PARD3B: variants seen among roughly 807,000 people sequenced by gnomAD.
PARD3B encodes par-3 family cell polarity regulator beta.
Under a neutral mutation model 130.2 loss-of-function variants are expected in PARD3B, and 103 were observed. The observed-to-expected ratio is 0.79, with a 90% CI of 0.67 to 0.93. The LOEUF is 0.93. Ranked by LOEUF, PARD3B falls within the 40% of genes least tolerant of loss-of-function variation. The pLI is 0.00. For missense variants in PARD3B, 1,609 were observed against 1,499.2 expected (o/e 1.07, Z -1.21); for synonymous variants, 583 against 553.2 (o/e 1.05, Z -0.76).
intron 11 of PARD3B, among the ~76,000 whole-genome samples, chr2:205,163,682 G>A (rs570927868): frequency 2.0e-5 from 3 of 152,150 alleles, no homozygotes; most frequent in Non-Finnish European, 4.4e-5. Flanking sequence ...TCATTGTCAT[G>A]TGAGACATTT....
intron 3 of PARD3B, among the ~76,000 whole-genome samples, chr2:204,997,989 C>T (rs1360723294): frequency 1.3e-5 from 2 of 149,180 alleles, no homozygotes; most frequent in African/African-American, 2.4e-5. Context: ...CATATATACA[C>T]ATATAATCAA....
chr2:204,586,201 A>G (rs1437160136), intron 1 of PARD3B, among the ~76,000 whole-genome samples: 1 of 152,222 alleles, frequency 6.6e-6, no homozygotes, highest in Non-Finnish European at 1.5e-5. Context: ...CATTCTGATT[A>G]ATTCCATCAT....
intron 10 of PARD3B, among the ~76,000 whole-genome samples, chr2:205,149,547 A>C (rs990059533): frequency 6.6e-6 from 1 of 152,222 alleles, no homozygotes; most frequent in African/African-American, 2.4e-5. Context: ...CCAGCAGTTC[A>C]TTCTGACCAA....
At chr2:204,840,284 T>C (rs1455555623) in intron 2 of PARD3B, among the ~76,000 whole-genome samples, 2 of 152,252 alleles carry the variant, frequency 1.3e-5, no homozygotes, top group Admixed American at 1.3e-4. Flanking sequence ...AGAGAAATAA[T>C]TGAATGACCC....
At chr2:205,505,342 T>C (rs907313668) in intron 21 of PARD3B, among the ~76,000 whole-genome samples, 1 of 152,126 alleles carries the variant, frequency 6.6e-6, no homozygotes, top group Non-Finnish European at 1.5e-5. Flanking sequence ...TATACATATG[T>C]AACAAACCTG....
intron 2 of PARD3B, among the ~76,000 whole-genome samples, chr2:204,832,046 C>T (rs2043843892): frequency 6.6e-6 from 1 of 152,076 alleles, no homozygotes; most frequent in African/African-American, 2.4e-5. Flanking sequence ...CACGGTGAAA[C>T]CCCATTTCTA....
chr2:205,079,403 T>C (rs1056577143), intron 4 of PARD3B, among the ~76,000 whole-genome samples: 3 of 152,180 alleles, frequency 2.0e-5, no homozygotes, highest in African/African-American at 4.8e-5. Flanking sequence ...AGATTTGGTG[T>C]CTGGTAAGGG....
chr2:204,755,580 A>G (rs142942461), intron 2 of PARD3B, among the ~76,000 whole-genome samples: 4 of 152,294 alleles, frequency 2.6e-5, no homozygotes, highest in African/African-American at 9.6e-5. Flanking sequence ...ATGTGTAAGT[A>G]CAGTCACTAT....
chr2:205,523,209 ATG>A (rs36030743), intron 21 of PARD3B, among the ~76,000 whole-genome samples: 7 of 141,422 alleles, frequency 4.9e-5, no homozygotes, highest in South Asian at 2.3e-4. Flanking sequence ...CGTGTACTAT[ATG>A]TGTGTGTGTG....
At chr2:204,646,661 C>T (rs1396564799) in intron 1 of PARD3B, among the ~76,000 whole-genome samples, 1 of 151,942 alleles carries the variant, frequency 6.6e-6, no homozygotes, top group African/African-American at 2.4e-5. Context: ...GGGTTATATT[C>T]ATTTTCCACT....
chr2:205,532,218 G>A (rs1208297550), intron 21 of PARD3B, among the ~76,000 whole-genome samples: 2 of 152,154 alleles, frequency 1.3e-5, no homozygotes, highest in Non-Finnish European at 2.9e-5. Context: ...GTTAAAAAAC[G>A]AAGAGAAATT....
intron 12 of PARD3B, among the ~76,000 whole-genome samples, chr2:205,174,275 C>G (rs1207664711): frequency 3.3e-5 from 5 of 152,084 alleles, no homozygotes; most frequent in Non-Finnish European, 7.3e-5. Flanking sequence ...ATGTAGATCA[C>G]CAGGGAATTG....
intron 2 of PARD3B, among the ~76,000 whole-genome samples, chr2:204,952,771 G>A (rs968838094): frequency 2.0e-5 from 3 of 152,100 alleles, no homozygotes; most frequent in Middle Eastern, 3.2e-3. Context: ...GGCCGAGGCA[G>A]GCGGATCATG....
intron 4 of PARD3B, among the ~76,000 whole-genome samples, chr2:205,064,352 A>G (rs1444879157): frequency 6.6e-6 from 1 of 152,166 alleles, no homozygotes; most frequent in Non-Finnish European, 1.5e-5. Flanking sequence ...AGATTTCATC[A>G]TGTTTACCTG....
At chr2:205,063,691 G>T (rs1398029822) in intron 4 of PARD3B, among the ~76,000 whole-genome samples, 1 of 152,166 alleles carries the variant, frequency 6.6e-6, no homozygotes, top group East Asian at 1.9e-4. Context: ...ATAAGGAAAT[G>T]AGGTACATAG....
At chr2:204,940,559 CA>C (rs372484310) in intron 2 of PARD3B, among the ~76,000 whole-genome samples, 53 of 148,610 alleles carry the variant, frequency 3.6e-4, no homozygotes, top group African/African-American at 9.2e-4. Context: ...AATATCATTA[CA>C]AAAAAAATTG....
intron 4 of PARD3B, among the ~76,000 whole-genome samples, chr2:205,096,549 C>A (rs1702412229): frequency 6.6e-6 from 1 of 152,164 alleles, no homozygotes; most frequent in Non-Finnish European, 1.5e-5. Flanking sequence ...TCTGTGAAAA[C>A]AGTCCATTGA....
In PARD3B at chr2:205,281,386, A is replaced by AT. The variant is rs2041183063; in HGVS notation, c.2186-19144_2186-19143insT. Reference sequence around the variant, plus strand: ...GAGTGACCCATCTTGTAGGTCCCACACTGCCTAAGTCATTTTCTGGTCTTC... The same window carrying AT: ...GAGTGACCCATCTTGTAGGTCCCACATCTGCCTAAGTCATTTTCTGGTCTTC... On this transcript the variant is annotated intron_variant, in intron 16 of 22. Transcript: ENST00000406610. This position sits in a 1 kb window ranked among gnomAD's most constrained non-coding sequence, Gnocchi z 4.2. 6.6e-6 allele frequency among the ~76,000 whole-genome samples: 1 copy of AT among 152,196 alleles called. No homozygotes were observed. The highest frequency in any genetic ancestry group is 1.5e-5 in the Non-Finnish European group (1 of 68,036).
chr2:205,304,944 C>T (rs2042138522), intron 18 of PARD3B, among the ~76,000 whole-genome samples: 1 of 152,030 alleles, frequency 6.6e-6, no homozygotes, highest in Non-Finnish European at 1.5e-5. Flanking sequence ...GACCCTATCT[C>T]AAAAAATTAA....
Sources: allele counts gnomAD v4.1 joint callset (sites outside exome capture counted in the v4.1 genomes callset), GRCh38; gene constraint gnomAD v4.1.1; non-coding constraint Gnocchi (gnomAD v3.1); transcripts MANE v1.5; gene names NCBI Gene and HGNC (gene_info 2026-07-23, HGNC 2026-07-21).